Variants in LRRTM3 observed in about 807,000 individuals in gnomAD.
LRRTM3 encodes the protein leucine rich repeat transmembrane neuronal 3, also known as leucine-rich repeat transmembrane neuronal protein 3.
Under a neutral mutation model 44.7 loss-of-function variants are expected in LRRTM3, and 24 were observed. The observed-to-expected ratio is 0.54, with a 90% CI of 0.39 to 0.76. The LOEUF (loss-of-function observed/expected upper bound fraction) is 0.76. LRRTM3 is among the 30% of genes least tolerant of loss of function. LRRTM3 has a pLI of 0.00. For synonymous variants in LRRTM3, 277 were observed against 278.7 expected (o/e 0.99, Z 0.06); for missense variants, 587 against 702.2 (o/e 0.84, Z 1.85).
intron 2 of LRRTM3, among the ~76,000 whole-genome samples, chr10:66,998,606 C>G (rs1044469528): frequency 3.9e-5 from 6 of 151,912 alleles, no homozygotes; most frequent in Non-Finnish European, 8.8e-5. Context: ...AAAAAAGGCA[C>G]ATTGGAAATA....
intron 2 of LRRTM3, among the ~76,000 whole-genome samples, chr10:67,054,224 G>T (rs541468807): frequency 2.0e-5 from 3 of 152,150 alleles, no homozygotes; most frequent in African/African-American, 7.2e-5. Flanking sequence ...TAAAAAGGCT[G>T]TACCCCAATA....
At chr10:67,080,938 A>G (rs202161282) in intron 2 of LRRTM3, among the ~76,000 whole-genome samples, 1 of 34,296 alleles carries the variant, frequency 2.9e-5, no homozygotes, top group Non-Finnish European at 5.0e-5. Context: ...AAAAACAACA[A>G]AAAAAAAAAA....
chr10:67,032,912 A>T (rs1227581711), intron 2 of LRRTM3, among the ~76,000 whole-genome samples: 1 of 152,170 alleles, frequency 6.6e-6, no homozygotes, highest in African/African-American at 2.4e-5. Context: ...GACATTTTCT[A>T]TTTAATTTTC....
Position 66,926,213 on chromosome 10 carries a change from C to T in LRRTM3, c.-371C>T, listed in dbSNP as rs2132618579. 1 of 452,238 alleles carries T rather than the reference C, an allele frequency of 2.2e-6. No individual in the cohort carries two copies. Among genetic ancestry groups the T allele is most frequent in the South Asian group, 1.7e-5 (1 of 59,196 alleles). 28.0% of individuals were successfully genotyped at this position (452,238 alleles called of 1,614,324 possible). On this transcript the variant is annotated 5_prime_UTR_variant, in exon 1 of 3. Coordinates refer to ENST00000361320, the MANE Select transcript of LRRTM3 (RefSeq NM_178011.5). ...GGCAGCTCAGGTAGCCCCAAATTGC[C>T]TGGAAGAATACATCATGTTTTTCGA...
intron 2 of LRRTM3, among the ~76,000 whole-genome samples, chr10:67,069,557 G>A (rs1324985152): frequency 6.2e-5 from 6 of 96,340 alleles, no homozygotes; most frequent in East Asian, 6.4e-4. Context: ...ACAGCAGCCC[G>A]CCCCACCCCA....
chr10:67,043,509 A>G (rs1026182993), intron 2 of LRRTM3, among the ~76,000 whole-genome samples: 4 of 152,092 alleles, frequency 2.6e-5, no homozygotes, highest in African/African-American at 9.7e-5. Context: ...TTCTTCTAGT[A>G]TAGGGTTTAT....
chr10:67,070,941 A>G (rs979102735), intron 2 of LRRTM3, among the ~76,000 whole-genome samples: 1 of 152,020 alleles, frequency 6.6e-6, no homozygotes, highest in African/African-American at 2.4e-5. Flanking sequence ...ACTTTCTTTT[A>G]CTGTTCTTTT....
chr10:67,095,257 C>A (rs1210877973), intron 2 of LRRTM3, among the ~76,000 whole-genome samples: 1 of 151,566 alleles, frequency 6.6e-6, no homozygotes, highest in African/African-American at 2.4e-5. Context: ...CTTTAAAATG[C>A]ACTCTCAATT....
At chr10:67,087,200 A>G (rs1228760856) in intron 2 of LRRTM3, among the ~76,000 whole-genome samples, 1 of 152,056 alleles carries the variant, frequency 6.6e-6, no homozygotes, top group Non-Finnish European at 1.5e-5. Context: ...TCAGTTAAAG[A>G]GAAACATCAC....
chr10:66,931,041 C>T (rs566968463), intron 2 of LRRTM3, among the ~76,000 whole-genome samples: 1 of 152,104 alleles, frequency 6.6e-6, no homozygotes, highest in Non-Finnish European at 1.5e-5. Flanking sequence ...GTTGCCTCAC[C>T]TCCATCCCAT....
At chr10:67,082,579 C>T (rs1263358065) in intron 2 of LRRTM3, among the ~76,000 whole-genome samples, 1 of 152,228 alleles carries the variant, frequency 6.6e-6, no homozygotes, top group East Asian at 1.9e-4. Context: ...CTTCACAAGC[C>T]TCCTAGGAAA....
chr10:67,005,692 T>TGTTTGTTTGTTTG (rs1231181215), intron 2 of LRRTM3, among the ~76,000 whole-genome samples: 4 of 123,170 alleles, frequency 3.2e-5, no homozygotes, highest in African/African-American at 1.1e-4. Flanking sequence ...CTTTTTTTTT[T>TGTTTGTTTGTTTG]TTTTTTTTTT....
intron 2 of LRRTM3, among the ~76,000 whole-genome samples, chr10:67,079,411 A>G (rs1158218113): frequency 6.6e-6 from 1 of 152,232 alleles, no homozygotes; most frequent in Non-Finnish European, 1.5e-5. Flanking sequence ...AGCAATCTAC[A>G]TAAAACATTT....
intron 2 of LRRTM3, among the ~76,000 whole-genome samples, chr10:67,032,588 T>C (rs916206126): frequency 3.3e-5 from 5 of 152,202 alleles, no homozygotes; most frequent in African/African-American, 1.2e-4. Context: ...GTATTAAGCA[T>C]CAGACAGATG....
intron 2 of LRRTM3, among the ~76,000 whole-genome samples, chr10:66,967,501 A>G (rs1849496765): frequency 6.6e-6 from 1 of 151,914 alleles, no homozygotes. Context: ...GGAAAATGAC[A>G]TCTTTCCCTC....
chr10:67,049,601 A>G (rs1031406303), intron 2 of LRRTM3, among the ~76,000 whole-genome samples: 9 of 152,176 alleles, frequency 5.9e-5, no homozygotes, highest in African/African-American at 2.2e-4. Flanking sequence ...TTGAACAAAA[A>G]AGGGAAAATA....
chr10:67,022,396 A>G (rs564660981), intron 2 of LRRTM3, among the ~76,000 whole-genome samples: 1 of 152,200 alleles, frequency 6.6e-6, no homozygotes, highest in Non-Finnish European at 1.5e-5. Flanking sequence ...CATATTATAG[A>G]GAAGTAGAAA....
At chr10:66,944,854 T>A (rs539973093) in intron 2 of LRRTM3, among the ~76,000 whole-genome samples, 4 of 152,340 alleles carry the variant, frequency 2.6e-5, no homozygotes, top group Admixed American at 6.5e-5. Context: ...GGTGACCAGA[T>A]GCATTATCAG....
At chr10:66,982,168 A>G (rs1294936739) in intron 2 of LRRTM3, among the ~76,000 whole-genome samples, 1 of 152,232 alleles carries the variant, frequency 6.6e-6, no homozygotes, top group Admixed American at 6.5e-5. Context: ...CAGTTTGAAC[A>G]GCAGAGTTAT....
Sources: allele counts gnomAD v4.1 joint callset (sites outside exome capture counted in the v4.1 genomes callset), GRCh38; gene constraint gnomAD v4.1.1; transcripts MANE v1.5; gene names NCBI Gene and HGNC (gene_info 2026-07-23, HGNC 2026-07-21).